The following GSE1 variants were observed in gnomAD, a reference collection of about 807,000 sequenced individuals.
The protein encoded by GSE1 is genetic suppressor element 1.
GSE1 carries 32 observed loss-of-function variants against 112.6 expected under a neutral mutation model. That is an observed-to-expected ratio of 0.28 (90% CI 0.21 to 0.38). The LOEUF is 0.38. GSE1 is among the 10% of genes least tolerant of loss of function. GSE1 has a pLI of 1.00. For synonymous variants in GSE1, 1,115 were observed against 735.6 expected (o/e 1.52, Z -8.35); for missense variants, 2,348 against 1,699.2 (o/e 1.38, Z -6.71).
chr16:85,339,779 C>T (rs892698878), intron 1 of GSE1, among the ~76,000 whole-genome samples: 1 of 152,122 alleles, frequency 6.6e-6, no homozygotes, highest in African/African-American at 2.4e-5. Context: ...ACGGCGTCTG[C>T]ATTTTCATTT....
At chr16:85,386,232 C>T (rs575004008) in intron 2 of GSE1, among the ~76,000 whole-genome samples, 4 of 152,334 alleles carry the variant, frequency 2.6e-5, no homozygotes, top group South Asian at 2.1e-4. Flanking sequence ...AAGGCCCTGA[C>T]GCCGTGGCAG....
At chr16:85,417,335 G>A (rs1238426856) in intron 2 of GSE1, among the ~76,000 whole-genome samples, 2 of 152,194 alleles carry the variant, frequency 1.3e-5, no homozygotes, top group African/African-American at 4.8e-5. Flanking sequence ...CCCCCTGGGG[G>A]CAACATCACC....
intron 1 of GSE1, among the ~76,000 whole-genome samples, chr16:85,331,215 C>T (rs953936456): frequency 1.1e-4 from 17 of 150,178 alleles, no homozygotes; most frequent in African/African-American, 3.2e-4. Flanking sequence ...TGCAGTGGCA[C>T]GATATCGGCT....
chr16:85,653,834 C>T (rs558150553), intron 3 of GSE1, among the ~76,000 whole-genome samples: 24 of 152,320 alleles, frequency 1.6e-4, no homozygotes, highest in South Asian at 4.1e-4. Context: ...GCGCAGTTGA[C>T]GTCTTGGCTA....
At chr16:85,584,096 A>T (rs1379347128) in intron 1 of GSE1, among the ~76,000 whole-genome samples, 1 of 152,204 alleles carries the variant, frequency 6.6e-6, no homozygotes, top group African/African-American at 2.4e-5. Flanking sequence ...ACGGGGACAC[A>T]GGCTCGCCAG....
chr16:85,615,422 A>T (rs1353818188), intron 1 of GSE1, among the ~76,000 whole-genome samples: 1 of 152,098 alleles, frequency 6.6e-6, no homozygotes, highest in Non-Finnish European at 1.5e-5. Context: ...GCCGGGTGCG[A>T]GGATGGCTTT....
chr16:85,443,777 C>T (rs538774049), intron 2 of GSE1, among the ~76,000 whole-genome samples: 2 of 152,270 alleles, frequency 1.3e-5, no homozygotes, highest in African/African-American at 4.8e-5. Context: ...GATAGCCCAG[C>T]GGGGAAAGTG....
At chr16:85,477,850 G>A (rs1433636618) in intron 2 of GSE1, among the ~76,000 whole-genome samples, 1 of 152,024 alleles carries the variant, frequency 6.6e-6, no homozygotes, top group Non-Finnish European at 1.5e-5. Context: ...GTGAACCACC[G>A]CGCCCGGCCT....
At chr16:85,667,974 C>T (rs539434492) in intron 13 of GSE1, among the ~76,000 whole-genome samples, 166 bp from the exon 14 acceptor site, 3 of 67,826 alleles carry the variant, frequency 4.4e-5, no homozygotes, top group Admixed American at 2.7e-4. Context: ...TCAAGTGGCC[C>T]AGAGGCCTTG....
intron 2 of GSE1, among the ~76,000 whole-genome samples, chr16:85,397,576 G>A (rs1033802172): frequency 5.3e-5 from 8 of 152,210 alleles, no homozygotes; most frequent in South Asian, 2.1e-4. Flanking sequence ...TTGAGTTCAC[G>A]AGGTTCCAAA....
intron 2 of GSE1, among the ~76,000 whole-genome samples, chr16:85,455,405 A>AGAGAGAG (rs539644082): frequency 6.6e-5 from 10 of 150,774 alleles, no homozygotes; most frequent in African/African-American, 2.5e-4. Context: ...GAGAGAGAGA[A>AGAGAGAG]AGAAAGAAAA....
upstream of GSE1, among the ~76,000 whole-genome samples, chr16:85,612,806 A>C (rs1161305698): frequency 6.6e-6 from 1 of 152,164 alleles, no homozygotes; most frequent in African/African-American, 2.4e-5. Flanking sequence ...CAGGACACGG[A>C]GTTACCCGTC....
intron 1 of GSE1, among the ~76,000 whole-genome samples, chr16:85,558,852 G>T: frequency 6.6e-6 from 1 of 152,152 alleles, no homozygotes; most frequent in Non-Finnish European, 1.5e-5. Flanking sequence ...GGAAACGGCA[G>T]TGGCCTGGTC....
chr16:85,665,173 A>G lies in GSE1; in HGVS notation c.2758+45A>G, dbSNP rs748240565. ...ACCTGCCACCACCCAGGACCATCCC[A>G]TGGGCTGCCCAGGCTCAGAGGCGAC... On this transcript the variant is annotated intron_variant, in intron 12 of 15. Transcript: ENST00000253458. The G allele has an allele frequency of 3.4e-6, 4 of 1,187,242 alleles. No homozygotes were observed. The East Asian group carries it at 7.0e-5, about 21-fold the overall frequency. The allele number at this position is 1,187,242 out of a possible 1,614,324, so 73.5% of individuals were successfully genotyped here. A position where few individuals can be genotyped will look rare whatever the true frequency, so the allele number is the denominator to read the frequency against.
intron 2 of GSE1, among the ~76,000 whole-genome samples, chr16:85,398,483 G>GTA (rs1323659117): frequency 6.6e-6 from 1 of 152,116 alleles, no homozygotes; most frequent in African/African-American, 2.4e-5. Flanking sequence ...GCTGCTATCT[G>GTA]TAGACTGGGG....
chr16:85,655,820 C>G lies in GSE1; in HGVS notation c.892C>G (p.His298Asp), dbSNP rs372333252. The change falls in exon 6 of 16, where the codon CAC becomes GAC. Residue 298 changes from histidine to aspartate, a missense_variant. By Grantham distance (81) the His-to-Asp change is moderately conservative (BLOSUM62 -1). Transcript: ENST00000253458. ...SLPPLHPSAMHLHLSGVRYPP... is the reference protein window; with the variant it reads ...SLPPLHPSAMDLHLSGVRYPP... ...GCCCCCACTGCACCCATCAGCGATGCACCTGCACCTCTCTGGGGTCCGCTA... is the reference window on the plus strand; with the variant it reads ...GCCCCCACTGCACCCATCAGCGATGGACCTGCACCTCTCTGGGGTCCGCTA... The G allele has an allele frequency of 1.9e-6, 3 of 1,610,014 alleles. No homozygotes were observed. The highest frequency in any genetic ancestry group is 3.3e-5 in the Admixed American group (2 of 59,990).
Position 85,666,400 on chromosome 16 carries a change from A to C in GSE1, c.3130+53A>C. ...CTCTCGGCTGTGGTTGAGGCTGACC[A>C]AAGTTGCTGAGCGCCACAGCTGCTC... On this transcript the variant is annotated intron_variant, in intron 13 of 15. Coordinates refer to ENST00000253458, the MANE Select transcript of GSE1 (RefSeq NM_014615.5). 3.8e-6 allele frequency: 6 copies of C among 1,597,860 alleles called. No individual in the cohort carries two copies. In the South Asian group the frequency reaches 6.6e-5, roughly 18 times the overall value.
chr16:85,559,601 C>T (rs1264807480), intron 1 of GSE1, among the ~76,000 whole-genome samples: 1 of 152,264 alleles, frequency 6.6e-6, no homozygotes, highest in East Asian at 1.9e-4. Flanking sequence ...GCACCCGCTG[C>T]TCCTGTTTGA....
chr16:85,497,867 C>T (rs2051232251), intron 2 of GSE1, among the ~76,000 whole-genome samples: 2 of 152,206 alleles, frequency 1.3e-5, no homozygotes, highest in African/African-American at 4.8e-5. Flanking sequence ...TCCCCACAGC[C>T]TCCCTGGGAG....
Sources: gnomAD v4.1 joint callset for allele counts (sites outside exome capture counted in the v4.1 genomes callset) on GRCh38, gnomAD v4.1.1 for gene constraint, MANE v1.5 for transcripts, NCBI Gene and HGNC (gene_info 2026-07-23, HGNC 2026-07-21) for gene names.